Variants in YIPF1 observed in about 807,000 individuals in gnomAD.
YIPF1 encodes the protein protein YIPF1.
A neutral mutation model predicts 37.0 loss-of-function variants in YIPF1; 22 were observed. The ratio of observed to expected loss-of-function variants is 0.59; its 90% CI spans 0.42 to 0.85. The LOEUF is 0.85. Ranked by LOEUF, YIPF1 falls within the 40% of genes least tolerant of loss-of-function variation. The probability of loss-of-function intolerance (pLI) is 0.00; values close to 1 mark genes in which losing one functional copy is unlikely to be tolerated. For synonymous variants in YIPF1, 128 were observed against 131.9 expected (o/e 0.97, Z 0.21); for missense variants, 355 against 373.1 (o/e 0.95, Z 0.40).
intron 3 of YIPF1, among the ~76,000 whole-genome samples, chr1:53,885,836 AAAG>A (rs1650636932): frequency 6.6e-6 from 1 of 151,124 alleles, no homozygotes; most frequent in Non-Finnish European, 1.5e-5. Flanking sequence ...AAAAAAAAAA[AAAG>A]AGAGAAAAAG....
At chr1:53,874,758 C>T (rs1569635068) in intron 6 of YIPF1, among the ~76,000 whole-genome samples, 4 of 152,200 alleles carry the variant, frequency 2.6e-5, no homozygotes, top group Middle Eastern at 6.8e-3. Context: ...CAGAGTGAGA[C>T]TCTGTCTCAA....
chr1:53,889,435 C>T lies in YIPF1; in HGVS notation c.-241G>A. 1 of 156,824 alleles carries T rather than the reference C, an allele frequency of 6.4e-6. No individual in the cohort carries two copies. Among genetic ancestry groups the T allele is most frequent in the Non-Finnish European group, 1.4e-5 (1 of 70,716 alleles). The allele number at this position is 156,824 out of a possible 1,614,324, so 9.7% of individuals were successfully genotyped here. Reference sequence around the variant, plus strand: ...GATTCTGCTGCTTCTCTGCTGTATGCGCGCTCCTCGCGGCCTCAGTTTCCT... The same window carrying T: ...GATTCTGCTGCTTCTCTGCTGTATGTGCGCTCCTCGCGGCCTCAGTTTCCT... On this transcript the variant is annotated 5_prime_UTR_variant, in exon 2 of 11. Transcript: ENST00000072644.
chr1:53,888,713 G>A (rs978066679), intron 3 of YIPF1, among the ~76,000 whole-genome samples, 194 bp downstream of exon 3: 2 of 152,114 alleles, frequency 1.3e-5, no homozygotes, highest in Admixed American at 6.6e-5. Flanking sequence ...CAATCTGAAG[G>A]GTTATCTGGC....
intron 10 of YIPF1, among the ~76,000 whole-genome samples, chr1:53,858,603 G>A (rs1649784617): frequency 6.6e-6 from 1 of 152,062 alleles, no homozygotes; most frequent in South Asian, 2.1e-4. Flanking sequence ...CCTTACCCAA[G>A]GCACATTGCT....
At chr1:53,876,969 T>C (rs1228711073) in intron 6 of YIPF1, among the ~76,000 whole-genome samples, 1 of 152,208 alleles carries the variant, frequency 6.6e-6, no homozygotes, top group East Asian at 1.9e-4. Context: ...ACTAAAATAG[T>C]GCTTATCTCC....
rs1426693291 is a variant in YIPF1, at chr1:53,883,143, T to C, written c.165A>G (p.Leu55=). ...TTTTGTCAGAGTCATCATTTCCCAG[T>C]AACTCATCATCTTCTTCTCTTCCTG... ...RGSGREEDDE[L]LGNDDSDKTE... is the part of the protein sequence containing the mutation. The change falls in exon 4 of 11, where the codon TTA becomes TTG. Residue 55 remains leucine, a synonymous_variant. Coordinates refer to ENST00000072644, the MANE Select transcript of YIPF1 (RefSeq NM_018982.5). The C allele has an allele frequency of 1.3e-6, 2 of 1,591,426 alleles. No individual in the cohort carries two copies. The highest frequency in any genetic ancestry group is 1.7e-6 in the Non-Finnish European group (2 of 1,172,150).
intron 7 of YIPF1, among the ~76,000 whole-genome samples, chr1:53,870,837 C>T (rs1283418240): frequency 6.6e-6 from 1 of 151,486 alleles, no homozygotes; most frequent in Admixed American, 6.6e-5. Flanking sequence ...CACAGGGAGA[C>T]CTATCTCTAT....
chr1:53,860,212 T>C, intron 9 of YIPF1, 59 bp from the exon 10 acceptor site: 1 of 1,527,596 alleles, frequency 6.5e-7, no homozygotes, highest in Non-Finnish European at 9.0e-7. Context: ...GGTAAGTGTT[T>C]TTTTAGACTC....
rs1569653009 is a variant in YIPF1, at chr1:53,882,909, C to T, written c.195+204G>A. 1.3e-5 allele frequency: 6 copies of T among 467,944 alleles called. No individual in the cohort carries two copies. The East Asian group carries it at 2.3e-4, about 18-fold the overall frequency. The allele number at this position is 467,944 out of a possible 1,614,324, so 29.0% of individuals were successfully genotyped here. On this transcript the variant is annotated intron_variant, in intron 4 of 10. Coordinates refer to ENST00000072644, the MANE Select transcript of YIPF1 (RefSeq NM_018982.5). ...TTCCATAAGCTAGGATCTCTGCTCA[C>T]TACCCCAGTGTTCCCCTCCACAAGT... is the stretch of plus-strand genomic sequence containing the variant.
rs118053836 is a variant in YIPF1 at position 53,857,057 on chromosome 1, C to T, written c.*8+2999G>A. 3.7e-4 allele frequency among the ~76,000 whole-genome samples: 56 copies of T among 152,300 alleles called. 1 individual carries two copies. The East Asian group carries it at 0.01, about 27-fold the overall frequency. On this transcript the variant is annotated intron_variant, in intron 10 of 10. Coordinates refer to ENST00000072644, the MANE Select transcript of YIPF1 (RefSeq NM_018982.5). Reference sequence around the variant, plus strand: ...TGAAGTGAGTGATCATACAGAGAGGCCCACGTGGCAAGCAACTGAGGGTGG... The same window carrying T: ...TGAAGTGAGTGATCATACAGAGAGGTCCACGTGGCAAGCAACTGAGGGTGG...
In YIPF1 at chr1:53,861,689, AGAGGGAGG is replaced by A. The variant is rs142417977; in HGVS notation, c.832-1544_832-1537del. On this transcript the variant is annotated intron_variant, in intron 9 of 10. Transcript: ENST00000072644. ...GGAAGGAAGGAAGGAAGGGAGAGAG[AGAGGGAGG>A]GAGGGAGGGAGGGAAGAAAAGTAAA... Among the ~76,000 whole-genome samples the A allele has an allele frequency of 6.9e-4, 69 of 99,826 alleles. 1 individual carries two copies. In the East Asian group the frequency reaches 0.014, roughly 20 times the overall value. The allele number at this position is 99,826 out of a possible 152,430, so 65.5% of individuals were successfully genotyped here.
At chr1:53,884,138 G>C (rs187862102) in intron 3 of YIPF1, among the ~76,000 whole-genome samples, 1 of 150,892 alleles carries the variant, frequency 6.6e-6, no homozygotes, top group Non-Finnish European at 1.5e-5. Flanking sequence ...GGGAGGCCAA[G>C]GCAAGAGGAC....
At chr1:53,871,966 G>T (rs184099547) in intron 6 of YIPF1, among the ~76,000 whole-genome samples, 2 of 151,148 alleles carry the variant, frequency 1.3e-5, no homozygotes, top group African/African-American at 4.9e-5. Flanking sequence ...GGGCAGAGTC[G>T]ATTAAACCTA....
At chr1:53,860,551 A>G (rs1649842400) in intron 9 of YIPF1, among the ~76,000 whole-genome samples, 7 of 152,202 alleles carry the variant, frequency 4.6e-5, no homozygotes, top group Admixed American at 4.6e-4. Flanking sequence ...GCTCTTAATC[A>G]CAACATTATA....
At chr1:53,872,664 C>T (rs1220660012) in intron 6 of YIPF1, among the ~76,000 whole-genome samples, 1 of 152,054 alleles carries the variant, frequency 6.6e-6, no homozygotes, top group Non-Finnish European at 1.5e-5. Context: ...TTTCAGGTAC[C>T]TTGACACGTC....
chr1:53,869,099 G>A (rs1288412495), intron 7 of YIPF1, among the ~76,000 whole-genome samples: 1 of 150,624 alleles, frequency 6.6e-6, no homozygotes, highest in Non-Finnish European at 1.5e-5. Context: ...GAAGGTAGAG[G>A]GGAAGAAAAG....
chr1:53,878,547 A>C (rs1420793759), intron 5 of YIPF1, 95 bp downstream of exon 5: 2 of 1,472,590 alleles, frequency 1.4e-6, no homozygotes, highest in Non-Finnish European at 1.9e-6. Context: ...GACCATTTTC[A>C]GTATATAAAG....
intron 9 of YIPF1, among the ~76,000 whole-genome samples, chr1:53,863,600 C>A (rs1649942491): frequency 6.6e-6 from 1 of 152,220 alleles, no homozygotes; most frequent in Non-Finnish European, 1.5e-5. Context: ...GCACTCCCTG[C>A]TTCAGAATTA....
chr1:53,858,124 C>G (rs1259500912), intron 10 of YIPF1, among the ~76,000 whole-genome samples: 2 of 152,060 alleles, frequency 1.3e-5, no homozygotes, highest in Non-Finnish European at 2.9e-5. Flanking sequence ...GGAGGGAAGC[C>G]CATGCTATTT....
Sources: gnomAD v4.1 joint callset for allele counts (sites outside exome capture counted in the v4.1 genomes callset) on GRCh38, gnomAD v4.1.1 for gene constraint, MANE v1.5 for transcripts, NCBI Gene and HGNC (gene_info 2026-07-23, HGNC 2026-07-21) for gene names.